The following MED27 variants were observed in gnomAD, a reference collection of about 807,000 sequenced individuals.
MED27 encodes mediator of RNA polymerase II transcription subunit 27.
MED27 carries 30 observed loss-of-function variants against 38.2 expected under a neutral mutation model. The ratio of observed to expected loss-of-function variants is 0.79; its 90% CI spans 0.59 to 1.07. The LOEUF is 1.07. MED27 is among the 50% of genes least tolerant of loss of function. The probability of loss-of-function intolerance (pLI) is 0.00; values close to 1 mark genes in which losing one functional copy is unlikely to be tolerated. For missense variants in MED27, 289 were observed against 397.5 expected (o/e 0.73, Z 2.32); for synonymous variants, 122 against 153.5 (o/e 0.79, Z 1.52).
chr9:131,932,405 C>G (rs1408081322), intron 4 of MED27, among the ~76,000 whole-genome samples: 3 of 143,056 alleles, frequency 2.1e-5, no homozygotes, highest in Admixed American at 2.1e-4. Flanking sequence ...AGAGAAGATA[C>G]AAATAAAATA....
At chr9:131,942,202 G>C (rs150321302) in intron 3 of MED27, among the ~76,000 whole-genome samples, 8 of 152,142 alleles carry the variant, frequency 5.3e-5, no homozygotes, top group Non-Finnish European at 1.0e-4. Context: ...ATCATCTCCC[G>C]TGGTTCCCTC....
intron 6 of MED27, among the ~76,000 whole-genome samples, chr9:131,871,647 G>C (rs940651336): frequency 6.6e-6 from 1 of 152,062 alleles, no homozygotes; most frequent in Non-Finnish European, 1.5e-5. Context: ...ACTCCTGGGC[G>C]CAAGTGATCC....
intron 2 of MED27, among the ~76,000 whole-genome samples, chr9:132,032,471 G>T (rs561423027): frequency 6.6e-6 from 1 of 152,098 alleles, no homozygotes; most frequent in Non-Finnish European, 1.5e-5. Context: ...AAACACAGGG[G>T]TTGAAAATAG....
chr9:131,924,742 T>C lies in MED27; in HGVS notation c.573+14639A>G, dbSNP rs1246289535. ...CAGGTTTTAGGGTATGTTTTAATGC[T>C]TGACAGGGCTAGCTCCCTTGGTAGC... On this transcript the variant is annotated intron_variant, in intron 4 of 7. Transcript: ENST00000292035. 2.6e-5 allele frequency among the ~76,000 whole-genome samples: 4 copies of C among 152,340 alleles called. 1 individual carries two copies. The highest frequency in any genetic ancestry group is 1.9e-4 in the East Asian group (1 of 5,190).
chr9:131,893,389 C>T (rs192357413), intron 5 of MED27, among the ~76,000 whole-genome samples: 48 of 152,240 alleles, frequency 3.2e-4, no homozygotes, highest in East Asian at 1.2e-3. Context: ...ACAAGTCACC[C>T]GTGGAAATAA....
intron 3 of MED27, among the ~76,000 whole-genome samples, chr9:131,950,649 A>T (rs958173078): frequency 6.6e-6 from 1 of 152,236 alleles, no homozygotes; most frequent in Admixed American, 6.5e-5. Flanking sequence ...ATGCACACTC[A>T]GAGTCAGAAA....
chr9:132,066,908 A>C (rs1826576052), intron 2 of MED27, among the ~76,000 whole-genome samples: 1 of 152,254 alleles, frequency 6.6e-6, no homozygotes, highest in African/African-American at 2.4e-5. Flanking sequence ...GAACTGGAGA[A>C]GAAGCCTCCT....
intron 3 of MED27, among the ~76,000 whole-genome samples, chr9:131,968,923 C>G (rs1831414930): frequency 6.6e-6 from 1 of 152,172 alleles, no homozygotes; most frequent in Non-Finnish European, 1.5e-5. Context: ...TGATTGTGAA[C>G]TGCGCATGCG....
intron 3 of MED27, among the ~76,000 whole-genome samples, chr9:131,967,845 G>GT (rs1831384062): frequency 7.4e-6 from 1 of 135,140 alleles, no homozygotes; most frequent in Admixed American, 7.7e-5. Context: ...TTGAGACGGA[G>GT]TCTCGCTCTG....
intron 3 of MED27, among the ~76,000 whole-genome samples, chr9:131,977,223 C>T (rs147689623): frequency 2.3e-3 from 357 of 152,258 alleles, no homozygotes; most frequent in Middle Eastern, 0.01. Flanking sequence ...AGAATGGTGA[C>T]CATCATAGAG....
At chr9:131,914,345 A>G (rs1430884203) in intron 4 of MED27, among the ~76,000 whole-genome samples, 2 of 152,194 alleles carry the variant, frequency 1.3e-5, no homozygotes. Context: ...CTGAGGTTAA[A>G]TTTTGGCTTT....
chr9:132,002,485 T>C (rs191039946), intron 3 of MED27, among the ~76,000 whole-genome samples: 172 of 152,304 alleles, frequency 1.1e-3, no homozygotes, highest in Middle Eastern at 6.8e-3. Flanking sequence ...CTGTGAGAGC[T>C]GGTGCAATCT....
chr9:131,874,688 C>T (rs2131466784), intron 6 of MED27, among the ~76,000 whole-genome samples: 1 of 152,278 alleles, frequency 6.6e-6, no homozygotes, highest in East Asian at 1.9e-4. Flanking sequence ...CTGTGCGTAG[C>T]TGCGAGGAGA....
At chr9:131,937,848 C>G (rs1427555955) in intron 4 of MED27, among the ~76,000 whole-genome samples, 1 of 148,958 alleles carries the variant, frequency 6.7e-6, no homozygotes, top group Non-Finnish European at 1.5e-5. Context: ...TTTTTTGAGA[C>G]AGAGTCTCGC....
intron 2 of MED27, among the ~76,000 whole-genome samples, chr9:132,039,310 A>G (rs1833152012): frequency 6.6e-6 from 1 of 152,164 alleles, no homozygotes; most frequent in Non-Finnish European, 1.5e-5. Context: ...AGTGAAGAGG[A>G]AGCTGTGTAA....
intron 4 of MED27, among the ~76,000 whole-genome samples, chr9:131,922,138 T>C (rs1323766513): frequency 6.6e-6 from 1 of 151,318 alleles, no homozygotes; most frequent in Non-Finnish European, 1.5e-5. Context: ...AACCTGCACA[T>C]TGTGCACATG....
intron 3 of MED27, among the ~76,000 whole-genome samples, chr9:132,002,918 C>CAA (rs780189860): frequency 9.9e-6 from 1 of 100,904 alleles, no homozygotes; most frequent in Non-Finnish European, 2.1e-5. Context: ...GACTCTGTCT[C>CAA]AAAAAAAAAA....
chr9:132,045,048 A>G (rs1833301050), intron 2 of MED27, among the ~76,000 whole-genome samples: 1 of 152,166 alleles, frequency 6.6e-6, no homozygotes, highest in Non-Finnish European at 1.5e-5. Flanking sequence ...AGACCAACAG[A>G]TTTGGCTATG....
intron 4 of MED27, among the ~76,000 whole-genome samples, chr9:131,916,337 G>C (rs1312587716): frequency 6.6e-6 from 1 of 152,230 alleles, no homozygotes; most frequent in Non-Finnish European, 1.5e-5. Context: ...CAATTGCTAT[G>C]TATAAATTTG....
Sources: allele counts gnomAD v4.1 joint callset (sites outside exome capture counted in the v4.1 genomes callset), GRCh38; gene constraint gnomAD v4.1.1; transcripts MANE v1.5; gene names NCBI Gene and HGNC (gene_info 2026-07-23, HGNC 2026-07-21).